Variants in PKNOX2 observed in about 807,000 individuals in gnomAD.
PKNOX2 encodes the protein PBX/knotted 1 homeobox 2.
Under a neutral mutation model 53.1 loss-of-function variants are expected in PKNOX2, and 14 were observed. The ratio of observed to expected loss-of-function variants is 0.26; its 90% CI spans 0.17 to 0.41. The LOEUF (loss-of-function observed/expected upper bound fraction) is 0.41. PKNOX2 is among the 10% of genes least tolerant of loss of function. PKNOX2 has a pLI of 1.00. For synonymous variants in PKNOX2, 257 were observed against 242.8 expected (o/e 1.06, Z -0.54); for missense variants, 496 against 602.8 (o/e 0.82, Z 1.85).
intron 7 of PKNOX2, among the ~76,000 whole-genome samples, chr11:125,402,635 A>T (rs191649887): frequency 6.6e-6 from 1 of 152,194 alleles, no homozygotes; most frequent in Non-Finnish European, 1.5e-5. Context: ...AGTCACAATG[A>T]GGATCTAGAT....
Position 125,411,737 on chromosome 11 carries a change from G to T in PKNOX2, c.817-9G>T, listed in dbSNP as rs1292487243. 6.2e-7 allele frequency: 1 copy of T among 1,613,830 alleles called. No individual in the cohort carries two copies. The highest frequency in any genetic ancestry group is 8.5e-7 in the Non-Finnish European group (1 of 1,179,912). ...GCTGATGCTGATTTTCTCTCCACGT[G>T]CCCTGAAGGTTAACCTTGACCTCAC... On this transcript the variant is annotated splice_polypyrimidine_tract_variant and intron_variant, in intron 9 of 12. Coordinates refer to ENST00000298282, the MANE Select transcript of PKNOX2 (RefSeq NM_001382323.2).
chr11:125,262,131 T>C lies in PKNOX2; in HGVS notation c.-130+27016T>C, dbSNP rs565075646. Reference sequence around the variant, plus strand: ...GGAGGGGAGAAGTGGGCCCACCTGCTCACAAGACGCCTTTGGTGTCAGATC... The same window carrying C: ...GGAGGGGAGAAGTGGGCCCACCTGCCCACAAGACGCCTTTGGTGTCAGATC... On this transcript the variant is annotated intron_variant, in intron 2 of 12. Transcript: ENST00000298282. Among the ~76,000 whole-genome samples the C allele has an allele frequency of 2.6e-5, 4 of 152,192 alleles. No individual in the cohort carries two copies. In the East Asian group the frequency reaches 7.7e-4, roughly 29 times the overall value.
At position 125,352,727 on chromosome 11, in the gene PKNOX2, T is replaced by C. The variant is rs1405604123; in HGVS notation, c.87+1335T>C. On this transcript the variant is annotated intron_variant, in intron 4 of 12. Coordinates refer to ENST00000298282, the MANE Select transcript of PKNOX2 (RefSeq NM_001382323.2). This position sits in a 1 kb window ranked among gnomAD's most constrained non-coding sequence, Gnocchi z 4.1. The stretch of plus-strand genomic sequence containing the variant: ...TCCTTCACCAATCTCTGAGCACATG[T>C]CTACGGCCCCGCTCCCACATATCAA... Among the ~76,000 whole-genome samples the C allele has an allele frequency of 2.6e-5, 4 of 152,180 alleles. No homozygotes were observed. Among genetic ancestry groups the C allele is most frequent in the Non-Finnish European group, 4.4e-5 (3 of 68,032 alleles).
intron 1 of PKNOX2, among the ~76,000 whole-genome samples, chr11:125,217,419 C>T (rs915712345): frequency 8.5e-5 from 13 of 152,198 alleles, no homozygotes; most frequent in Non-Finnish European, 1.3e-4. Context: ...CACGCTTCCA[C>T]GTAGCCAGGA....
intron 1 of PKNOX2, among the ~76,000 whole-genome samples, chr11:125,201,015 G>A (rs762343645): frequency 6.6e-6 from 1 of 152,170 alleles, no homozygotes; most frequent in Non-Finnish European, 1.5e-5. Context: ...AACTTGATGG[G>A]GATCCCTTAA....
intron 6 of PKNOX2, among the ~76,000 whole-genome samples, chr11:125,389,695 T>A (rs1953909106): frequency 6.6e-6 from 1 of 152,248 alleles, no homozygotes; most frequent in African/African-American, 2.4e-5. Flanking sequence ...TTATAAAATC[T>A]GATTTACGGG....
intron 1 of PKNOX2, among the ~76,000 whole-genome samples, chr11:125,203,991 G>T (rs931015259): frequency 2.0e-5 from 3 of 152,206 alleles, no homozygotes; most frequent in Non-Finnish European, 4.4e-5. Context: ...TGCTCAGAGG[G>T]TGGGGCACCT....
At chr11:125,273,762 G>A (rs551426992) in intron 2 of PKNOX2, among the ~76,000 whole-genome samples, 1 of 152,116 alleles carries the variant, frequency 6.6e-6, no homozygotes, top group Non-Finnish European at 1.5e-5. Flanking sequence ...CACGTCAGGG[G>A]GATCCTTTTA....
chr11:125,345,719 A>G (rs1270010853), intron 3 of PKNOX2, among the ~76,000 whole-genome samples: 3 of 152,048 alleles, frequency 2.0e-5, no homozygotes, highest in Non-Finnish European at 4.4e-5. Flanking sequence ...TTTTCCAGGC[A>G]TAATTTATAG....
chr11:125,407,171 C>T (rs1955159315), intron 7 of PKNOX2, among the ~76,000 whole-genome samples: 1 of 152,122 alleles, frequency 6.6e-6, no homozygotes, highest in Admixed American at 6.5e-5. Flanking sequence ...GCCAAAGACC[C>T]AGGGAAGGGA....
intron 6 of PKNOX2, among the ~76,000 whole-genome samples, chr11:125,387,540 G>C (rs6590143): frequency 0.3 from 46,019 of 151,928 alleles, 8,656 homozygotes; most frequent in African/African-American, 0.51. Context: ...GCCAACATGA[G>C]GTAGGTTCCC....
chr11:125,185,923 C>A (rs887132445), intron 1 of PKNOX2, among the ~76,000 whole-genome samples: 6 of 152,110 alleles, frequency 3.9e-5, no homozygotes, highest in Admixed American at 1.3e-4. Flanking sequence ...CTAGGTAATT[C>A]TATGTTTAAC....
At chr11:125,379,055 C>CTTTTTTTTTTTTTTTT (rs35310311) in intron 5 of PKNOX2, among the ~76,000 whole-genome samples, 4 of 124,442 alleles carry the variant, frequency 3.2e-5, no homozygotes, top group Admixed American at 8.3e-5. Flanking sequence ...TTTTCTTTCT[C>CTTTTTTTTTTTTTTTT]TTTTTTTTTT....
chr11:125,369,012 A>C (rs1198072686), intron 5 of PKNOX2, among the ~76,000 whole-genome samples: 1 of 152,194 alleles, frequency 6.6e-6, no homozygotes, highest in Non-Finnish European at 1.5e-5. Flanking sequence ...ATGTGGAATG[A>C]TTCACCCAAG....
chr11:125,401,321 A>C (rs760655616), intron 7 of PKNOX2, among the ~76,000 whole-genome samples: 1 of 152,202 alleles, frequency 6.6e-6, no homozygotes. Context: ...CAAGAGTGAC[A>C]GCAAGTGAAA....
At chr11:125,340,745 T>C (rs1408104959) in intron 3 of PKNOX2, among the ~76,000 whole-genome samples, 1 of 152,170 alleles carries the variant, frequency 6.6e-6, no homozygotes, top group Non-Finnish European at 1.5e-5. Flanking sequence ...TGGATTGGCT[T>C]GTTTTACATT....
rs1952270447 is a variant in PKNOX2, at chr11:125,367,801, C to A, written c.88-45C>A. ...TCACACTACAGCCTGGAGACCAGCA[C>A]CCTGGCCATGCTAACCCACCACCTC... On this transcript the variant is annotated intron_variant, in intron 4 of 12. Transcript: ENST00000298282. 3 of 1,590,186 alleles carry A rather than the reference C, an allele frequency of 1.9e-6. No homozygotes were observed. The African/African-American group carries it at 4.0e-5, about 21-fold the overall frequency.
At chr11:125,314,339 G>C (rs1591524242) in intron 2 of PKNOX2, among the ~76,000 whole-genome samples, 2 of 152,176 alleles carry the variant, frequency 1.3e-5, no homozygotes, top group South Asian at 4.1e-4. Flanking sequence ...ATCTGCTCTG[G>C]GTCCTGGGCG....
At chr11:125,324,652 C>A (rs573234979) in intron 2 of PKNOX2, among the ~76,000 whole-genome samples, 85 of 152,232 alleles carry the variant, frequency 5.6e-4, no homozygotes, top group African/African-American at 2.0e-3. Flanking sequence ...ATGCAGCAGC[C>A]CCCAGAGAGA....
Sources: allele counts gnomAD v4.1 joint callset (sites outside exome capture counted in the v4.1 genomes callset), GRCh38; gene constraint gnomAD v4.1.1; non-coding constraint Gnocchi (gnomAD v3.1); transcripts MANE v1.5; gene names NCBI Gene and HGNC (gene_info 2026-07-23, HGNC 2026-07-21).